The following PPP2R5C variants were observed in gnomAD, a reference collection of about 807,000 sequenced individuals.
The protein encoded by PPP2R5C is protein phosphatase 2 regulatory subunit B'gamma.
In PPP2R5C, 7 loss-of-function variants were observed where a neutral mutation model predicts 68.9. The observed-to-expected ratio is 0.10, with a 90% confidence interval of 0.06 to 0.19. The LOEUF (loss-of-function observed/expected upper bound fraction) is 0.19. Ranked by LOEUF, PPP2R5C falls within the 10% of genes least tolerant of loss-of-function variation. The pLI is 1.00. For synonymous variants in PPP2R5C, 210 were observed against 222.2 expected (o/e 0.95, Z 0.49); for missense variants, 348 against 641.3 (o/e 0.54, Z 4.94).
chr14:101,773,642 T>C (rs1185638104), intron 2 of PPP2R5C, among the ~76,000 whole-genome samples: 1 of 152,104 alleles, frequency 6.6e-6, no homozygotes, highest in Non-Finnish European at 1.5e-5. Context: ...TAAGATCTTA[T>C]AAACAGCCTG....
At chr14:101,850,238 C>T (rs953920465) in intron 1 of PPP2R5C, among the ~76,000 whole-genome samples, 2 of 152,084 alleles carry the variant, frequency 1.3e-5, no homozygotes, top group Admixed American at 6.6e-5. Context: ...AAGAGAAGAA[C>T]AATGTGGGGA....
chr14:101,840,564 T>G (rs183352146), intron 1 of PPP2R5C, among the ~76,000 whole-genome samples: 8 of 150,184 alleles, frequency 5.3e-5, no homozygotes, highest in Admixed American at 5.3e-4. Flanking sequence ...ATTTTTCCAT[T>G]CAAATCTAGT....
At chr14:101,816,092 T>G (rs1051513851) in intron 1 of PPP2R5C, among the ~76,000 whole-genome samples, 3 of 152,182 alleles carry the variant, frequency 2.0e-5, no homozygotes, top group African/African-American at 7.2e-5. Flanking sequence ...GAAAAACATA[T>G]AGGAGATGGC....
chr14:101,842,556 T>C (rs1453208507), intron 1 of PPP2R5C, among the ~76,000 whole-genome samples: 1 of 152,108 alleles, frequency 6.6e-6, no homozygotes, highest in Non-Finnish European at 1.5e-5. Context: ...GAGGGTACTG[T>C]ACTGGGGAGC....
chr14:101,880,570 A>T (rs971719319), intron 2 of PPP2R5C, among the ~76,000 whole-genome samples: 2 of 152,134 alleles, frequency 1.3e-5, no homozygotes, highest in African/African-American at 4.8e-5. Flanking sequence ...CCGAGGCAGG[A>T]GGATTGCTTA....
chr14:101,902,760 C>T (rs2045770330), intron 9 of PPP2R5C, among the ~76,000 whole-genome samples: 1 of 152,108 alleles, frequency 6.6e-6, no homozygotes, highest in Non-Finnish European at 1.5e-5. Context: ...AGGGGTCCTC[C>T]AAACTGAGCC....
chr14:101,861,783 C>G (rs1880120919), intron 2 of PPP2R5C, among the ~76,000 whole-genome samples: 1 of 152,140 alleles, frequency 6.6e-6, no homozygotes, highest in African/African-American at 2.4e-5. Flanking sequence ...GACAGACAAA[C>G]CAGTTATTCG....
At chr14:101,842,644 C>G (rs1317746455) in intron 1 of PPP2R5C, among the ~76,000 whole-genome samples, 1 of 152,168 alleles carries the variant, frequency 6.6e-6, no homozygotes, top group African/African-American at 2.4e-5. Context: ...CCAGCCCTTC[C>G]CAGGTGTGGT....
At chr14:101,842,011 G>A (rs571446779) in intron 1 of PPP2R5C, among the ~76,000 whole-genome samples, 16 of 152,204 alleles carry the variant, frequency 1.1e-4, no homozygotes, top group African/African-American at 3.1e-4. Context: ...CAGAGCCCTC[G>A]TTATACCTGC....
intron 8 of PPP2R5C, among the ~76,000 whole-genome samples, chr14:101,897,992 C>CAA (rs35907957): frequency 4.9e-5 from 7 of 143,390 alleles, no homozygotes; most frequent in Admixed American, 2.1e-4. Flanking sequence ...TCCTCTCTAC[C>CAA]AAAAAAAAAA....
chr14:101,921,967 A>G (rs1202849353), intron 13 of PPP2R5C: 1 of 980,560 alleles, frequency 1.0e-6, no homozygotes, highest in East Asian at 1.1e-4. Context: ...AATGTTTGCA[A>G]TTCTCATTTT....
chr14:101,787,551 C>T (rs1454922788), intron 3 of PPP2R5C, among the ~76,000 whole-genome samples: 1 of 151,956 alleles, frequency 6.6e-6, no homozygotes, highest in African/African-American at 2.4e-5. Flanking sequence ...ATCACGAGGT[C>T]AGGAGATCAA....
chr14:101,853,760 G>A (rs572031846), intron 1 of PPP2R5C, among the ~76,000 whole-genome samples: 10 of 152,196 alleles, frequency 6.6e-5, no homozygotes, highest in East Asian at 5.8e-4. Context: ...CCTCTAGATC[G>A]GGGTAACGGC....
chr14:101,869,392 T>G (rs185167682), intron 2 of PPP2R5C, among the ~76,000 whole-genome samples: 1 of 152,358 alleles, frequency 6.6e-6, no homozygotes, highest in Non-Finnish European at 1.5e-5. Flanking sequence ...CTTTTATAAA[T>G]ACTTACATAC....
At chr14:101,925,814 A>G (rs2047267980) in exon 14 of PPP2R5C, 1 of 152,646 alleles carries the variant, frequency 6.6e-6, no homozygotes, top group Non-Finnish European at 1.5e-5. Context: ...TGGGCAAATG[A>G]CAATCCTCAG....
rs2040342085 is a variant in PPP2R5C at position 101,825,459 on chromosome 14, A to C, written c.94+15423A>C. Among the ~76,000 whole-genome samples, 1 of 152,176 alleles carries C rather than the reference A, an allele frequency of 6.6e-6. No homozygotes were observed. The highest frequency in any genetic ancestry group is 2.4e-5 in the African/African-American group (1 of 41,438). ...GACTTGGCCAAAAGGTAGCTTTCCT[A>C]GTCCTTATCGTAGAGTGCACGCTCC... On this transcript the variant is annotated intron_variant, in intron 1 of 13. Transcript: ENST00000334743. The surrounding 1 kb of genome is among the most constrained non-coding windows in gnomAD (Gnocchi z 4.0).
At chr14:101,784,290 C>G (rs898094857) in intron 2 of PPP2R5C, among the ~76,000 whole-genome samples, 2 of 152,124 alleles carry the variant, frequency 1.3e-5, no homozygotes, top group African/African-American at 4.8e-5. Flanking sequence ...CTCCTTGGCC[C>G]TAAACTAGGT....
At chr14:101,862,816 A>ATTT (rs71116853) in intron 2 of PPP2R5C, among the ~76,000 whole-genome samples, 4 of 127,214 alleles carry the variant, frequency 3.1e-5, no homozygotes, top group Admixed American at 8.0e-5. Flanking sequence ...GACATGATGG[A>ATTT]TTTTTTTTTT....
At chr14:101,818,333 T>A (rs1432687374) in intron 1 of PPP2R5C, 1 of 152,092 alleles carries the variant, frequency 6.6e-6, no homozygotes, top group Non-Finnish European at 1.5e-5. Context: ...TCATAAGAAA[T>A]TTCATCTTTA....
Sources: allele counts gnomAD v4.1 joint callset (sites outside exome capture counted in the v4.1 genomes callset), GRCh38; gene constraint gnomAD v4.1.1; non-coding constraint Gnocchi (gnomAD v3.1); transcripts MANE v1.5; gene names NCBI Gene and HGNC (gene_info 2026-07-23, HGNC 2026-07-21).